Variants in CFAP157 observed in about 807,000 individuals in gnomAD.
The protein encoded by CFAP157 is cilia- and flagella-associated protein 157.
CFAP157 carries 43 observed loss-of-function variants against 57.8 expected under a neutral mutation model. The observed-to-expected ratio is 0.74, with a 90% CI of 0.58 to 0.96. The LOEUF is 0.96. Among genes scored for constraint, CFAP157 ranks in the 40% least tolerant of loss-of-function variants. The probability of loss-of-function intolerance (pLI) is 0.00; values close to 1 mark genes in which losing one functional copy is unlikely to be tolerated. For synonymous variants in CFAP157, 267 were observed against 269.0 expected (o/e 0.99, Z 0.07); for missense variants, 606 against 655.3 (o/e 0.92, Z 0.82).
Position 127,709,909 on chromosome 9 carries a change from C to G in CFAP157, c.433+216C>G, listed in dbSNP as rs1245967609. Among the ~76,000 whole-genome samples, 1 of 152,176 alleles carries G rather than the reference C, an allele frequency of 6.6e-6. No homozygotes were observed. The highest frequency in any genetic ancestry group is 2.4e-5 in the African/African-American group (1 of 41,448). On this transcript the variant is annotated intron_variant, in intron 2 of 8. Transcript: ENST00000373295. The surrounding 1 kb of genome is among the most constrained non-coding windows in gnomAD (Gnocchi z 4.7). ...AAGATGAAGTGTCGTGACCAAGGTC[C>G]CCCAGTTGGCAAGGGTTGTGAGGCT...
rs768608600 is a variant in CFAP157 at position 127,712,692 on chromosome 9, C to T, written c.1138-17C>T. ...GGGGCCACTGTGGGCCTGCTGCCAC[C>T]CCACCCTCACCAACAGATGCACCGC... On this transcript the variant is annotated splice_polypyrimidine_tract_variant and intron_variant, in intron 6 of 8. Transcript: ENST00000373295. 2 of 1,613,952 alleles carry T rather than the reference C, an allele frequency of 1.2e-6. No individual in the cohort carries two copies. The highest frequency in any genetic ancestry group is 1.7e-6 in the Non-Finnish European group (2 of 1,180,004).
Position 127,711,236 on chromosome 9 carries a change from A to G in CFAP157, c.595A>G (p.Lys199Glu). 2 of 1,613,814 alleles carry G rather than the reference A, an allele frequency of 1.2e-6. No homozygotes were observed. Among genetic ancestry groups the G allele is most frequent in the Non-Finnish European group, 1.7e-6 (2 of 1,179,822 alleles). Residue 199 changes from lysine to glutamate, a missense_variant, in exon 4 of 9, where the codon AAA (lysine) becomes GAA (glutamate). Transcript: ENST00000373295. ...KSVLDKDRLR[K>E]EIIQRVNLVA... ...TCCCACCTTTCTGGCCAGACTGAGG[A>G]AAGAGATCATCCAGCGCGTGAACCT...
chr9:127,711,441 AG>A lies in CFAP157; in HGVS notation c.801del (p.Glu267AspfsTer24). ...GRQNNLCKQL[E>X]LLENTQKVMA... ...CAGAACAATCTGTGCAAACAGCTGG[AG>A]CTGCTGGAGAACACCCAGAAGGTCA... On this transcript the variant is annotated frameshift_variant, in exon 4 of 9. Coordinates refer to ENST00000373295, the MANE Select transcript of CFAP157 (RefSeq NM_001012502.3). LOFTEE classifies it high-confidence loss of function. The A allele has an allele frequency of 6.2e-7, 1 of 1,614,084 alleles. No homozygotes were observed. Among genetic ancestry groups the A allele is most frequent in the Admixed American group, 1.7e-5 (1 of 60,028 alleles).
rs552233791 is a variant in CFAP157 at position 127,714,116 on chromosome 9, G to A, written c.*211G>A. 6.0e-5 allele frequency: 97 copies of A among 1,613,218 alleles called. 1 individual carries two copies. The South Asian group carries it at 9.7e-4, about 16-fold the overall frequency. ...CCACTAGTGTCACGGCCCCAGTGAGGGCCCCTGGCTTCGCTCACGGATGTG... is the reference window on the plus strand; with the variant it reads ...CCACTAGTGTCACGGCCCCAGTGAGAGCCCCTGGCTTCGCTCACGGATGTG... On this transcript the variant is annotated 3_prime_UTR_variant, in exon 9 of 9. Coordinates refer to ENST00000373295, the MANE Select transcript of CFAP157 (RefSeq NM_001012502.3).
At chr9:127,710,299 AC>A (rs1322221212) in intron 2 of CFAP157, among the ~76,000 whole-genome samples, 190 of 151,746 alleles carry the variant, frequency 1.3e-3, no homozygotes, top group African/African-American at 4.3e-3. Flanking sequence ...AAAAAAAAAA[AC>A]AAAACAGTTG....
At position 127,709,752 on chromosome 9, in the gene CFAP157, C is replaced by A. The variant is rs1047012595; in HGVS notation, c.433+59C>A. On this transcript the variant is annotated intron_variant, in intron 2 of 8. Coordinates refer to ENST00000373295, the MANE Select transcript of CFAP157 (RefSeq NM_001012502.3). The surrounding 1 kb of genome is among the most constrained non-coding windows in gnomAD (Gnocchi z 4.7). ...ACACATCCCAGCTCTATCACTGACC[C>A]TGTTTCTCACCTGGGAAACAGGGAT... 6.5e-7 allele frequency: 1 copy of A among 1,548,252 alleles called. No individual in the cohort carries two copies. The highest frequency in any genetic ancestry group is 1.4e-5 in the African/African-American group (1 of 73,068).
Position 127,715,405 on chromosome 9 carries a change from A to C in CFAP157, c.*1500A>C. 1 of 1,350,506 alleles carries C rather than the reference A, an allele frequency of 7.4e-7. No homozygotes were observed. The highest frequency in any genetic ancestry group is 1.0e-6 in the Non-Finnish European group (1 of 972,128). 83.7% of individuals were successfully genotyped at this position (1,350,506 alleles called of 1,614,324 possible). ...CTAGTGCAGGAACGGAGCTTCAAGA[A>C]GTTTGGAGCCCGTCGAGCACTGAAC... On this transcript the variant is annotated 3_prime_UTR_variant, in exon 9 of 9. Coordinates refer to ENST00000373295, the MANE Select transcript of CFAP157 (RefSeq NM_001012502.3). This position sits in a 1 kb window ranked among gnomAD's most constrained non-coding sequence, Gnocchi z 5.8.
intron 8 of CFAP157, chr9:127,713,496 C>CTTT (rs58502035): frequency 3.6e-4 from 33 of 90,934 alleles, no homozygotes; most frequent in South Asian, 7.7e-4. Context: ...CAGCATCTTT[C>CTTT]TTTTTTTTTT....
chr9:127,714,454 G>C lies in CFAP157; in HGVS notation c.*549G>C. ...AAGGGATATGGGAGGGGCAGTTAGTGCCTCCCTGGGGCAGTGTCCTTCCAC... is the reference window on the plus strand; with the variant it reads ...AAGGGATATGGGAGGGGCAGTTAGTCCCTCCCTGGGGCAGTGTCCTTCCAC... On this transcript the variant is annotated 3_prime_UTR_variant, in exon 9 of 9. Transcript: ENST00000373295. 6.2e-7 allele frequency: 1 copy of C among 1,612,748 alleles called. No individual in the cohort carries two copies. Among genetic ancestry groups the C allele is most frequent in the Non-Finnish European group, 8.5e-7 (1 of 1,178,742 alleles).
chr9:127,711,591 A>G, intron 4 of CFAP157, 95 bp downstream of exon 4: 1 of 1,476,860 alleles, frequency 6.8e-7, no homozygotes, highest in Non-Finnish European at 9.1e-7. Context: ...CAGTCAAGTC[A>G]GGAGGGAGGG....
Position 127,709,209 on chromosome 9 carries a change from G to GA in CFAP157, c.162-212dup, listed in dbSNP as rs1345655656. On this transcript the variant is annotated intron_variant, in intron 1 of 8. Coordinates refer to ENST00000373295, the MANE Select transcript of CFAP157 (RefSeq NM_001012502.3). This position sits in a 1 kb window ranked among gnomAD's most constrained non-coding sequence, Gnocchi z 4.7. ...GCCCTCATGGAGTTTACATTCTAGT[G>GA]ATGTAATGAAAATAACATGCTAAGC... Among the ~76,000 whole-genome samples the GA allele has an allele frequency of 6.6e-6, 1 of 152,260 alleles. No homozygotes were observed. Among genetic ancestry groups the GA allele is most frequent in the Non-Finnish European group, 1.5e-5 (1 of 68,048 alleles).
Position 127,715,906 on chromosome 9 carries a change from G to T in CFAP157, c.*2001G>T, listed in dbSNP as rs529467593. On this transcript the variant is annotated 3_prime_UTR_variant, in exon 9 of 9. Coordinates refer to ENST00000373295, the MANE Select transcript of CFAP157 (RefSeq NM_001012502.3). The surrounding 1 kb of genome is among the most constrained non-coding windows in gnomAD (Gnocchi z 5.8). ...ACCTTCGGTTGGGAGGCCTTGTTAT[G>T]CCCCCCGCTATGGCCCTGACTTGCG... 370 of 769,136 alleles carry T rather than the reference G, an allele frequency of 4.8e-4. No individual in the cohort carries two copies. In the African/African-American group the frequency reaches 4.9e-3, roughly 10 times the overall value. The allele number at this position is 769,136 out of a possible 1,614,324, so 47.6% of individuals were successfully genotyped here. A position where few individuals can be genotyped will look rare whatever the true frequency, so the allele number is the denominator to read the frequency against.
Position 127,715,647 on chromosome 9 carries a change from C to A in CFAP157, c.*1742C>A, listed in dbSNP as rs200545038. On this transcript the variant is annotated 3_prime_UTR_variant, in exon 9 of 9. Coordinates refer to ENST00000373295, the MANE Select transcript of CFAP157 (RefSeq NM_001012502.3). The surrounding 1 kb of genome is among the most constrained non-coding windows in gnomAD (Gnocchi z 5.8). ...AAAGCCGCCCGGCCTCATGCTGCCCCCATTCACTCCGACACCGCCCCCTGA... is the reference window on the plus strand; with the variant it reads ...AAAGCCGCCCGGCCTCATGCTGCCCACATTCACTCCGACACCGCCCCCTGA... The A allele has an allele frequency of 3.1e-6, 5 of 1,610,342 alleles. No homozygotes were observed. The highest frequency in any genetic ancestry group is 1.3e-5 in the African/African-American group (1 of 74,906).
rs150422298 is a variant in CFAP157, at chr9:127,714,261, C to A, written c.*356C>A. On this transcript the variant is annotated 3_prime_UTR_variant, in exon 9 of 9. Coordinates refer to ENST00000373295, the MANE Select transcript of CFAP157 (RefSeq NM_001012502.3). Reference sequence around the variant, plus strand: ...TCAGGGTGCGCCGGGCGCCCGATACCCACCCGCAGCCTTGGCATTGCCTGT... The same window carrying A: ...TCAGGGTGCGCCGGGCGCCCGATACACACCCGCAGCCTTGGCATTGCCTGT... 7.9e-5 allele frequency: 128 copies of A among 1,613,796 alleles called. No homozygotes were observed. The highest frequency in any genetic ancestry group is 1.0e-4 in the Non-Finnish European group (121 of 1,179,934).
Position 127,709,461 on chromosome 9 carries a change from G to C in CFAP157, c.201G>C (p.Lys67Asn). 1 of 1,613,960 alleles carries C rather than the reference G, an allele frequency of 6.2e-7. No homozygotes were observed. Among genetic ancestry groups the C allele is most frequent in the Non-Finnish European group, 8.5e-7 (1 of 1,180,014 alleles). Residue 67 changes from lysine (K) to asparagine (N), a missense_variant, in exon 2 of 9, where the codon AAG becomes AAC. Transcript: ENST00000373295. This position sits in a 1 kb window ranked among gnomAD's most constrained non-coding sequence, Gnocchi z 4.7. ...GGGATGAGCTGGCTGTGCAGGAGAAGATGTTCCGCCAGGAGTTTGAGCAGC... is the reference window on the plus strand; with the variant it reads ...GGGATGAGCTGGCTGTGCAGGAGAACATGTTCCGCCAGGAGTTTGAGCAGC... ...RKWDELAVQEKMFRQEFEQLA... is the reference protein window; with the variant it reads ...RKWDELAVQENMFRQEFEQLA...
At chr9:127,708,513 AC>A (rs1842696659) in intron 1 of CFAP157, among the ~76,000 whole-genome samples, 1 of 152,176 alleles carries the variant, frequency 6.6e-6, no homozygotes, top group Non-Finnish European at 1.5e-5. Context: ...ATTAAAAAAA[AC>A]TTTTCAAGTA....
Position 127,715,870 on chromosome 9 carries a change from G to A in CFAP157, c.*1965G>A. On this transcript the variant is annotated 3_prime_UTR_variant, in exon 9 of 9. Transcript: ENST00000373295. This position sits in a 1 kb window ranked among gnomAD's most constrained non-coding sequence, Gnocchi z 5.8. ...TCGGGACTTGTGTGGGACGCTCGGA[G>A]CTCTTGCTTGACCTTCGGTTGGGAG... The A allele has an allele frequency of 1.1e-6, 1 of 882,102 alleles. No homozygotes were observed. The highest frequency in any genetic ancestry group is 1.7e-6 in the Non-Finnish European group (1 of 585,992). 54.6% of individuals were successfully genotyped at this position (882,102 alleles called of 1,614,324 possible). A position where few individuals can be genotyped will look rare whatever the true frequency, so the allele number is the denominator to read the frequency against.
At chr9:127,712,558 T>C in intron 6 of CFAP157, 151 bp from the exon 7 acceptor site, 1 of 1,538,836 alleles carries the variant, frequency 6.5e-7, no homozygotes, top group Non-Finnish European at 8.8e-7. Flanking sequence ...CTCTGAAAGG[T>C]CTTGGGCCTC....
Position 127,715,377 on chromosome 9 carries a change from G to A in CFAP157, c.*1472G>A, listed in dbSNP as rs765578067. 1.6e-5 allele frequency: 20 copies of A among 1,249,968 alleles called. No homozygotes were observed. In the East Asian group the frequency reaches 4.8e-4, roughly 30 times the overall value. The allele number at this position is 1,249,968 out of a possible 1,614,324, so 77.4% of individuals were successfully genotyped here. On this transcript the variant is annotated 3_prime_UTR_variant, in exon 9 of 9. Coordinates refer to ENST00000373295, the MANE Select transcript of CFAP157 (RefSeq NM_001012502.3). The surrounding 1 kb of genome is among the most constrained non-coding windows in gnomAD (Gnocchi z 5.8). ...CTCCAGAAGGCTGGGCAGGCAGGGC[G>A]CCCTAGTGCAGGAACGGAGCTTCAA...
Sources: allele counts gnomAD v4.1 joint callset (sites outside exome capture counted in the v4.1 genomes callset), GRCh38; gene constraint gnomAD v4.1.1; non-coding constraint Gnocchi (gnomAD v3.1); transcripts MANE v1.5; gene names NCBI Gene and HGNC (gene_info 2026-07-23, HGNC 2026-07-21).